Variants in PAPPA observed in about 807,000 individuals in gnomAD.
The protein encoded by PAPPA is pappalysin-1.
In PAPPA, 60 loss-of-function variants were observed where a neutral mutation model predicts 164.0. That is an observed-to-expected ratio of 0.37 (90% CI 0.30 to 0.45). The LOEUF is 0.45. PAPPA is among the 20% of genes least tolerant of loss of function. The pLI is 1.00. For synonymous variants in PAPPA, 875 were observed against 814.1 expected (o/e 1.07, Z -1.27); for missense variants, 1,782 against 2,087.3 (o/e 0.85, Z 2.85).
chr9:116,217,118 T>C (rs1224613797), intron 4 of PAPPA, among the ~76,000 whole-genome samples: 1 of 152,190 alleles, frequency 6.6e-6, no homozygotes, highest in Admixed American at 6.5e-5. Context: ...TCAAACTTAT[T>C]TTTATCAACA....
In PAPPA at chr9:116,306,949, C is replaced by A. The variant is rs577064684; in HGVS notation, c.3147+3999C>A. Among the ~76,000 whole-genome samples the A allele has an allele frequency of 2.0e-5, 3 of 152,310 alleles. No homozygotes were observed. The South Asian group carries it at 6.2e-4, about 32-fold the overall frequency. The stretch of plus-strand genomic sequence containing the variant: ...GATTACAGACCTTCAGTCAACCAAC[C>A]AATTTATTTCCTTAATCCTTTGAGG... On this transcript the variant is annotated intron_variant, in intron 10 of 21. Coordinates refer to ENST00000328252, the MANE Select transcript of PAPPA (RefSeq NM_002581.5).
intron 13 of PAPPA, among the ~76,000 whole-genome samples, chr9:116,336,184 A>G (rs1490949100): frequency 6.6e-6 from 1 of 152,032 alleles, no homozygotes; most frequent in African/African-American, 2.4e-5. Flanking sequence ...TAGGCTACCC[A>G]AGAGTGAGGC....
At chr9:116,189,725 C>T (rs947759310) in intron 2 of PAPPA, among the ~76,000 whole-genome samples, 2 of 152,220 alleles carry the variant, frequency 1.3e-5, no homozygotes, top group Non-Finnish European at 2.9e-5. Context: ...TCTATTCTGT[C>T]CAACACACAG....
intron 1 of PAPPA, among the ~76,000 whole-genome samples, chr9:116,155,093 G>A (rs1031096726): frequency 3.3e-5 from 5 of 152,184 alleles, no homozygotes; most frequent in Non-Finnish European, 7.3e-5. Flanking sequence ...TCCTCGAAGT[G>A]CCCCAAAGTT....
At position 116,220,044 on chromosome 9, in the gene PAPPA, G is replaced by T; in HGVS notation, c.2026G>T (p.Ala676Ser). ...WQPSRKPAPV[A>S]LAPQVLGHTT... Reference sequence around the variant, plus strand: ...GCCCTCCAGGAAACCAGCGCCTGTTGCCCTCGCCCCCCAAGTTCTGGGCCA... The same window carrying T: ...GCCCTCCAGGAAACCAGCGCCTGTTTCCCTCGCCCCCCAAGTTCTGGGCCA... The change falls in exon 5 of 22, where the codon GCC becomes TCC. Residue 676 changes from alanine to serine, a missense_variant. Physicochemically the swap from Ala to Ser is moderately conservative, Grantham distance 99. Transcript: ENST00000328252. 6.2e-7 allele frequency: 1 copy of T among 1,614,134 alleles called. No homozygotes were observed. Among genetic ancestry groups the T allele is most frequent in the Non-Finnish European group, 8.5e-7 (1 of 1,180,034 alleles).
At chr9:116,308,317 T>G (rs1257533092) in intron 10 of PAPPA, among the ~76,000 whole-genome samples, 1 of 152,182 alleles carries the variant, frequency 6.6e-6, no homozygotes, top group Non-Finnish European at 1.5e-5. Flanking sequence ...ACTCAGCCAG[T>G]AGTGATGAGA....
chr9:116,279,163 G>A (rs7848586), intron 9 of PAPPA, among the ~76,000 whole-genome samples: 4,646 of 152,224 alleles, frequency 0.031, 241 homozygotes, highest in African/African-American at 0.1. Context: ...TAAATCCCAG[G>A]TTGTTATTGT....
rs554372116 is a variant in PAPPA at position 116,388,453 on chromosome 9, G to C, written c.4776+5960G>C. On this transcript the variant is annotated intron_variant, in intron 21 of 21. Coordinates refer to ENST00000328252, the MANE Select transcript of PAPPA (RefSeq NM_002581.5). ...ACCTTAACATATTCAACATACCAAA[G>C]CTTTCTAAGGTGTGGTGGCCTGGAA... Among the ~76,000 whole-genome samples, 28 of 152,296 alleles carry C rather than the reference G, an allele frequency of 1.8e-4. No homozygotes were observed. The South Asian group carries it at 5.4e-3, about 29-fold the overall frequency.
chr9:116,187,929 G>A lies in PAPPA; in HGVS notation c.1191G>A (p.Val397=), dbSNP rs80284365. The change falls in exon 2 of 22, where the codon GTG becomes GTA. Residue 397 remains valine, a synonymous_variant. Coordinates refer to ENST00000328252, the MANE Select transcript of PAPPA (RefSeq NM_002581.5). This position sits in a 1 kb window ranked among gnomAD's most constrained non-coding sequence, Gnocchi z 4.2. Reference sequence around the variant, plus strand: ...ACAACATCTCCTGGGAGCTGGACGTGCTGGAGGTGAGCAACTCCTCCCTTC... The same window carrying A: ...ACAACATCTCCTGGGAGCTGGACGTACTGGAGGTGAGCAACTCCTCCCTTC... ...KQYNISWELD[V]LEVSNSSLRR... 1 of 1,614,090 alleles carries A rather than the reference G, an allele frequency of 6.2e-7. No individual in the cohort carries two copies. Among genetic ancestry groups the A allele is most frequent in the Non-Finnish European group, 8.5e-7 (1 of 1,180,038 alleles).
chr9:116,157,233 G>T (rs137941154), intron 1 of PAPPA, among the ~76,000 whole-genome samples: 1 of 152,298 alleles, frequency 6.6e-6, no homozygotes, highest in East Asian at 1.9e-4. Context: ...TATGCTCCCA[G>T]ATCCGCCCGG....
At chr9:116,311,703 G>T (rs1393764860) in intron 10 of PAPPA, among the ~76,000 whole-genome samples, 1 of 152,142 alleles carries the variant, frequency 6.6e-6, no homozygotes, top group South Asian at 2.1e-4. Context: ...CTGTGAGATG[G>T]TATGAGGATC....
intron 6 of PAPPA, among the ~76,000 whole-genome samples, chr9:116,229,099 A>G (rs148829467): frequency 1.1e-4 from 17 of 152,298 alleles, no homozygotes; most frequent in African/African-American, 3.8e-4. Flanking sequence ...AGAAGTACCA[A>G]GTGGTGCTGG....
intron 1 of PAPPA, among the ~76,000 whole-genome samples, chr9:116,158,341 A>G (rs1436270121): frequency 2.0e-5 from 3 of 152,192 alleles, no homozygotes; most frequent in East Asian, 3.9e-4. Flanking sequence ...AGGAGTCCAT[A>G]TATTAACAAG....
At chr9:116,237,060 GCT>G (rs1844677030) in intron 7 of PAPPA, among the ~76,000 whole-genome samples, 1 of 152,184 alleles carries the variant, frequency 6.6e-6, no homozygotes, top group African/African-American at 2.4e-5. Context: ...GACAATCTCT[GCT>G]CTGTCTACTT....
chr9:116,158,805 A>G (rs894720253), intron 1 of PAPPA, among the ~76,000 whole-genome samples: 5 of 152,180 alleles, frequency 3.3e-5, no homozygotes, highest in African/African-American at 4.8e-5. Flanking sequence ...AGAAGTGTGT[A>G]TCGTCGCCTG....
chr9:116,378,414 G>A (rs928952146), intron 20 of PAPPA, among the ~76,000 whole-genome samples: 1 of 152,100 alleles, frequency 6.6e-6, no homozygotes, highest in African/African-American at 2.4e-5. Flanking sequence ...GTGAAAAAGC[G>A]GCCCCAAATC....
Position 116,353,756 on chromosome 9 carries a change from A to T in PAPPA, c.4310A>T (p.Glu1437Val). The T allele has an allele frequency of 6.2e-7, 1 of 1,614,072 alleles. No individual in the cohort carries two copies. The highest frequency in any genetic ancestry group is 8.5e-7 in the Non-Finnish European group (1 of 1,179,972). ...ACTAATGGCTTCCAGTTCAACAGTGAGTGTAGGATCAAGTGTGAAGACAGT... is the reference window on the plus strand; with the variant it reads ...ACTAATGGCTTCCAGTTCAACAGTGTGTGTAGGATCAAGTGTGAAGACAGT... ...QCTNGFQFNS[E>V]CRIKCEDSDA... Residue 1437 changes from glutamate to valine, a missense_variant, in exon 17 of 22, where the codon GAG (glutamate) becomes GTG (valine). By Grantham distance (121) the Glu-to-Val change is moderately radical (BLOSUM62 -2). Around this residue, in one of 2 missense-constraint regions of PAPPA, gnomAD observed 1,324 missense variants for 1,656.9 expected, o/e 0.80. Transcript: ENST00000328252.
chr9:116,158,081 T>C (rs1843624649), intron 1 of PAPPA, among the ~76,000 whole-genome samples: 1 of 152,168 alleles, frequency 6.6e-6, no homozygotes, highest in Admixed American at 6.5e-5. Context: ...CCTTAGTGAT[T>C]CGGAATTCCT....
intron 1 of PAPPA, among the ~76,000 whole-genome samples, chr9:116,169,310 C>CTTTTTTTTTGTTTTTTTTTT (rs1843748837): frequency 1.9e-5 from 1 of 52,154 alleles, no homozygotes; most frequent in Non-Finnish European, 3.8e-5. Context: ...CAAACCCATT[C>CTTTTTTTTTGTTTTTTTTTT]TTTTTTTTTT....
Sources: gnomAD v4.1 joint callset for allele counts (sites outside exome capture counted in the v4.1 genomes callset) on GRCh38, gnomAD v4.1.1 for gene constraint, gnomAD v4.1.1 regional missense constraint, Gnocchi (gnomAD v3.1) non-coding constraint, MANE v1.5 for transcripts, NCBI Gene and HGNC (gene_info 2026-07-23, HGNC 2026-07-21) for gene names.